The following DPYD variants were observed in gnomAD, a reference collection of about 807,000 sequenced individuals.
DPYD encodes the protein dihydropyrimidine dehydrogenase.
Under a neutral mutation model 116.2 loss-of-function variants are expected in DPYD, and 109 were observed. The observed-to-expected ratio is 0.94, with a 90% confidence interval of 0.80 to 1.10. The LOEUF (loss-of-function observed/expected upper bound fraction) is 1.10. DPYD is among the 50% of genes least tolerant of loss of function. DPYD has a pLI of 0.00. For synonymous variants in DPYD, 440 were observed against 432.0 expected (o/e 1.02, Z -0.23); for missense variants, 1,302 against 1,254.5 (o/e 1.04, Z -0.57).
At chr1:97,098,689 G>T (rs1650444308) in intron 20 of DPYD, 57 bp from the exon 21 acceptor site, 10 of 1,581,994 alleles carry the variant, frequency 6.3e-6, no homozygotes, top group Non-Finnish European at 8.7e-6. Flanking sequence ...AGAAAAATGG[G>T]AAGATATAAA....
chr1:97,434,208 A>G (rs182408289), intron 14 of DPYD, among the ~76,000 whole-genome samples: 318 of 152,262 alleles, frequency 2.1e-3, no homozygotes, highest in Admixed American at 4.8e-3. Flanking sequence ...AAAATATTAC[A>G]GAAAATTTCC....
intron 21 of DPYD, among the ~76,000 whole-genome samples, chr1:97,083,625 G>A (rs2101562021): frequency 6.6e-6 from 1 of 152,094 alleles, no homozygotes; most frequent in Middle Eastern, 3.4e-3. Flanking sequence ...CTGTTTGTAG[G>A]TGGGCACTTG....
intron 19 of DPYD, among the ~76,000 whole-genome samples, chr1:97,215,394 C>T (rs576987197): frequency 2.4e-4 from 37 of 152,096 alleles, no homozygotes; most frequent in Non-Finnish European, 4.6e-4. Flanking sequence ...CACTACCTGT[C>T]CAGTAGCTTC....
chr1:97,141,554 C>T (rs936733975), intron 20 of DPYD, among the ~76,000 whole-genome samples: 1 of 152,188 alleles, frequency 6.6e-6, no homozygotes, highest in African/African-American at 2.4e-5. Flanking sequence ...CTTTAAAATG[C>T]AACCTGTCTC....
Position 97,893,751 on chromosome 1 carries a change from A to G in DPYD, c.40-10377T>C, listed in dbSNP as rs1344471076. Among the ~76,000 whole-genome samples, 5 of 151,670 alleles carry G rather than the reference A, an allele frequency of 3.3e-5. No individual in the cohort carries two copies. The East Asian group carries it at 9.8e-4, about 30-fold the overall frequency. On this transcript the variant is annotated intron_variant, in intron 1 of 22. Coordinates refer to ENST00000370192, the MANE Select transcript of DPYD (RefSeq NM_000110.4). ...ATCATGTCTATTATGTCACTCTCAC[A>G]CTCAACAAGGTAAGGTGAGCCAGAG... is the stretch of plus-strand genomic sequence containing the variant.
At chr1:97,381,300 T>C (rs1224764072) in intron 15 of DPYD, among the ~76,000 whole-genome samples, 3 of 152,174 alleles carry the variant, frequency 2.0e-5, no homozygotes, top group South Asian at 2.1e-4. Context: ...AAAAGTAATG[T>C]TGTCTATTTA....
chr1:97,901,987 T>C (rs1673391330), intron 1 of DPYD, among the ~76,000 whole-genome samples: 1 of 151,868 alleles, frequency 6.6e-6, no homozygotes, highest in South Asian at 2.1e-4. Context: ...AATTCTTGTA[T>C]TCCAATTGAA....
At chr1:97,403,681 CT>C (rs1332193815) in intron 14 of DPYD, among the ~76,000 whole-genome samples, 1 of 151,994 alleles carries the variant, frequency 6.6e-6, no homozygotes, top group Non-Finnish European at 1.5e-5. Flanking sequence ...ATATTATTAA[CT>C]TATGTCCTCT....
Position 97,218,075 on chromosome 1 carries a change from T to C in DPYD, c.2442+16777A>G, listed in dbSNP as rs148513065. Reference sequence around the variant, plus strand: ...AAACTTCAAAGCTCCTTCTCTTAACTACCATAGTATACATGACAACAGAAC... The same window carrying C: ...AAACTTCAAAGCTCCTTCTCTTAACCACCATAGTATACATGACAACAGAAC... On this transcript the variant is annotated intron_variant, in intron 19 of 22. Transcript: ENST00000370192. Among the ~76,000 whole-genome samples, 332 of 152,306 alleles carry C rather than the reference T, an allele frequency of 2.2e-3. 5 individuals carry two copies. Among genetic ancestry groups the C allele is most frequent in the Admixed American group, 0.017 (254 of 15,286 alleles).
intron 10 of DPYD, among the ~76,000 whole-genome samples, chr1:97,588,153 C>A (rs557847810): frequency 1.3e-5 from 2 of 152,192 alleles, no homozygotes; most frequent in East Asian, 1.9e-4. Context: ...AAACAGTTAA[C>A]CCTCTCAATA....
At chr1:97,291,907 T>C (rs1465794586) in intron 18 of DPYD, among the ~76,000 whole-genome samples, 2 of 152,166 alleles carry the variant, frequency 1.3e-5, no homozygotes, top group Non-Finnish European at 2.9e-5. Context: ...ACTAGAATGA[T>C]CACTGACTAA....
chr1:97,511,487 G>A (rs976631524), intron 13 of DPYD, among the ~76,000 whole-genome samples: 5 of 151,770 alleles, frequency 3.3e-5, no homozygotes, highest in South Asian at 2.1e-4. Flanking sequence ...TTTTTCTAAC[G>A]TATTTATTTA....
intron 18 of DPYD, among the ~76,000 whole-genome samples, chr1:97,261,652 G>C (rs1369236970): frequency 2.0e-5 from 3 of 151,904 alleles, no homozygotes; most frequent in Admixed American, 2.0e-4. Context: ...AGGTAGCAAA[G>C]GGTATGAATT....
chr1:97,255,946 C>T (rs1453216302), intron 18 of DPYD, among the ~76,000 whole-genome samples: 1 of 152,092 alleles, frequency 6.6e-6, no homozygotes, highest in East Asian at 1.9e-4. Flanking sequence ...AGGGCTAGCC[C>T]AAATGGGTGA....
chr1:97,374,464 T>C (rs1469998325), intron 15 of DPYD, among the ~76,000 whole-genome samples: 4 of 152,116 alleles, frequency 2.6e-5, no homozygotes, highest in African/African-American at 9.7e-5. Context: ...CTCACGCCTG[T>C]AATCCCAGCA....
At position 97,159,785 on chromosome 1, in the gene DPYD, A is replaced by C. The variant is rs114882902; in HGVS notation, c.2622+33284T>G. 9.1e-3 allele frequency among the ~76,000 whole-genome samples: 1,378 copies of C among 152,202 alleles called. 19 individuals carry two copies. Among genetic ancestry groups the C allele is most frequent in the African/African-American group, 0.032 (1,312 of 41,560 alleles). On this transcript the variant is annotated intron_variant, in intron 20 of 22. Coordinates refer to ENST00000370192, the MANE Select transcript of DPYD (RefSeq NM_000110.4). ...TTAGAAATACATTCTGTTCCTTTTA[A>C]TCTTATTATTAGAATGTTAAATAGG...
At chr1:97,133,508 T>C (rs1314757798) in intron 20 of DPYD, among the ~76,000 whole-genome samples, 2 of 152,134 alleles carry the variant, frequency 1.3e-5, no homozygotes, top group Admixed American at 1.3e-4. Flanking sequence ...ACATGTACTT[T>C]GGTTTGTTTT....
chr1:97,548,000 A>G (rs1335960211), intron 12 of DPYD, among the ~76,000 whole-genome samples: 1 of 152,190 alleles, frequency 6.6e-6, no homozygotes, highest in Non-Finnish European at 1.5e-5. Flanking sequence ...TTAGTTACAC[A>G]AACATGAGAA....
intron 20 of DPYD, among the ~76,000 whole-genome samples, chr1:97,187,201 T>C (rs1658058037): frequency 6.6e-6 from 1 of 152,200 alleles, no homozygotes; most frequent in African/African-American, 2.4e-5. Flanking sequence ...CAAAAATGTA[T>C]AAGCATTCCC....
Sources: gnomAD v4.1 joint callset for allele counts (sites outside exome capture counted in the v4.1 genomes callset) on GRCh38, gnomAD v4.1.1 for gene constraint, MANE v1.5 for transcripts, NCBI Gene and HGNC (gene_info 2026-07-23, HGNC 2026-07-21) for gene names.